ZNF618: variants seen among roughly 807,000 people sequenced by gnomAD.
The protein encoded by ZNF618 is zinc finger protein 618, also known as neural precursor cell expressed, developmentally down-regulated 10.
A neutral mutation model predicts 103.0 loss-of-function variants in ZNF618; 34 were observed. The ratio of observed to expected loss-of-function variants is 0.33; its 90% confidence interval spans 0.25 to 0.44. ZNF618 has a LOEUF of 0.44. Ranked by LOEUF, ZNF618 falls within the 20% of genes least tolerant of loss-of-function variation. The pLI, the probability that ZNF618 is intolerant of heterozygous loss-of-function variation, is 1.00. For synonymous variants in ZNF618, 551 were observed against 542.2 expected (o/e 1.02, Z -0.23); for missense variants, 1,059 against 1,295.4 (o/e 0.82, Z 2.80).
intron 4 of ZNF618, among the ~76,000 whole-genome samples, chr9:114,000,531 TGGCCCAAGACA>T (rs1398258923): frequency 6.6e-6 from 1 of 152,028 alleles, no homozygotes; most frequent in Non-Finnish European, 1.5e-5. Flanking sequence ...ATTTTATGTG[TGGCCCAAGACA>T]ATTCTTCTTC....
chr9:114,037,504 A>C (rs1844727468), intron 13 of ZNF618, among the ~76,000 whole-genome samples: 1 of 152,182 alleles, frequency 6.6e-6, no homozygotes. Flanking sequence ...GAGTCTGGGG[A>C]GGCAGTTAGC....
intron 1 of ZNF618, among the ~76,000 whole-genome samples, chr9:113,884,729 G>T (rs866627599): frequency 5.3e-5 from 8 of 151,602 alleles, no homozygotes; most frequent in African/African-American, 1.9e-4. Flanking sequence ...CGCACCCCAT[G>T]GGACATGAAG....
rs772732132 is a variant in ZNF618 at position 113,997,231 on chromosome 9, C to T, written c.338-1028C>T. ...CAAGTGTTCCTCTCACCTCAGCCTC[C>T]CAAGTAGCTGGGACTACAGGTGTGC... On this transcript the variant is annotated intron_variant, in intron 3 of 14. Coordinates refer to ENST00000374126, the MANE Select transcript of ZNF618 (RefSeq NM_001318042.2). Among the ~76,000 whole-genome samples the T allele has an allele frequency of 5.3e-5, 8 of 152,068 alleles. 1 individual carries two copies. Among genetic ancestry groups the T allele is most frequent in the African/African-American group, 9.7e-5 (4 of 41,396 alleles).
At chr9:113,969,932 AG>A in intron 2 of ZNF618, among the ~76,000 whole-genome samples, 1 of 152,092 alleles carries the variant, frequency 6.6e-6, no homozygotes, top group Middle Eastern at 3.2e-3. Context: ...AATCGATCCT[AG>A]GGTTACCTGT....
At chr9:114,013,178 A>C (rs1007266345) in intron 9 of ZNF618, among the ~76,000 whole-genome samples, 4 of 152,232 alleles carry the variant, frequency 2.6e-5, no homozygotes, top group African/African-American at 7.2e-5. Flanking sequence ...GTGTGTAAAG[A>C]GAAAAGCAAG....
chr9:113,882,006 A>G lies in ZNF618; in HGVS notation c.33+5593A>G, dbSNP rs145126870. ...TTGCTTTTTGAAGTGCATTTTAAAT[A>G]AAGTGTTGCCAGAGAGAAGGATGAA... On this transcript the variant is annotated intron_variant, in intron 1 of 14. Transcript: ENST00000374126. Among the ~76,000 whole-genome samples the G allele has an allele frequency of 3.3e-3, 502 of 152,328 alleles. 3 individuals carry two copies. The highest frequency in any genetic ancestry group is 0.011 in the African/African-American group (471 of 41,556).
intron 10 of ZNF618, 172 bp downstream of exon 10, chr9:114,016,956 C>T (rs150743002): frequency 4.1e-4 from 243 of 591,444 alleles, no homozygotes; most frequent in African/African-American, 3.6e-3. Context: ...CTACAGTGGC[C>T]GGCATAGCTG....
Position 114,050,117 on chromosome 9 carries a change from A to T in ZNF618, c.2815A>T (p.Ser939Cys). Residue 939 changes from serine (S) to cysteine (C), a missense_variant, in exon 15 of 15, where the codon AGT becomes TGT. Ser to Cys is a moderately radical substitution (Grantham distance 112). Transcript: ENST00000374126. ...ALLIKRRRLL[S>C]PEDMNKLMFL... is the part of the protein sequence containing the mutation. ...TCTAATCAAACGGAGGCGGCTGCTC[A>T]GTCCAGAAGATATGAATAAACTCAT... 1 of 1,593,030 alleles carries T rather than the reference A, an allele frequency of 6.3e-7. No individual in the cohort carries two copies. Among genetic ancestry groups the T allele is most frequent in the Middle Eastern group, 1.7e-4 (1 of 6,004 alleles).
In ZNF618 at chr9:114,020,215, C is replaced by T. The variant is rs1331680515; in HGVS notation, c.844+3431C>T. 3.9e-5 allele frequency among the ~76,000 whole-genome samples: 6 copies of T among 152,240 alleles called. No individual in the cohort carries two copies. In the South Asian group the frequency reaches 1.2e-3, roughly 32 times the overall value. On this transcript the variant is annotated intron_variant, in intron 10 of 14. Coordinates refer to ENST00000374126, the MANE Select transcript of ZNF618 (RefSeq NM_001318042.2). ...TTTATGCCTATTCCACATGATTTTACTTATAGCTCTCTAGTAAGTCTCAAA... is the reference window on the plus strand; with the variant it reads ...TTTATGCCTATTCCACATGATTTTATTTATAGCTCTCTAGTAAGTCTCAAA...
chr9:113,928,364 A>G (rs952584016), intron 1 of ZNF618, among the ~76,000 whole-genome samples: 1 of 152,142 alleles, frequency 6.6e-6, no homozygotes, highest in Non-Finnish European at 1.5e-5. Flanking sequence ...AATCGTAGTT[A>G]TTTACAATTG....
chr9:113,923,376 T>C (rs966831890), intron 1 of ZNF618, among the ~76,000 whole-genome samples: 1 of 152,208 alleles, frequency 6.6e-6, no homozygotes, highest in Admixed American at 6.5e-5. Context: ...TTCCCGATCT[T>C]AGGGGGAAGA....
chr9:114,018,789 A>C (rs1375402434), intron 10 of ZNF618, among the ~76,000 whole-genome samples: 2 of 152,142 alleles, frequency 1.3e-5, no homozygotes, highest in African/African-American at 4.8e-5. Context: ...CTGCTTGTTG[A>C]ATTAATCTCT....
chr9:113,889,072 G>T (rs1829351045), intron 1 of ZNF618, among the ~76,000 whole-genome samples: 1 of 152,110 alleles, frequency 6.6e-6, no homozygotes, highest in Non-Finnish European at 1.5e-5. Flanking sequence ...TTATTGCTGT[G>T]CAACAAATCA....
intron 1 of ZNF618, among the ~76,000 whole-genome samples, chr9:113,927,200 A>G (rs890055487): frequency 1.4e-4 from 22 of 152,214 alleles, no homozygotes; most frequent in African/African-American, 5.3e-4. Flanking sequence ...TGTGAGGTTT[A>G]AAGCCTTGCA....
At chr9:113,942,274 G>T (rs1834627695) in intron 1 of ZNF618, among the ~76,000 whole-genome samples, 1 of 151,048 alleles carries the variant, frequency 6.6e-6, no homozygotes, top group African/African-American at 2.4e-5. Flanking sequence ...ATTTCACACA[G>T]AGGAGTGGCT....
At chr9:113,880,844 A>T (rs1828454318) in intron 1 of ZNF618, among the ~76,000 whole-genome samples, 1 of 152,202 alleles carries the variant, frequency 6.6e-6, no homozygotes, top group Non-Finnish European at 1.5e-5. Context: ...AACCGCCATG[A>T]TGTGCTGCAG....
At chr9:113,955,516 T>A (rs1489387346) in intron 1 of ZNF618, among the ~76,000 whole-genome samples, 1 of 152,126 alleles carries the variant, frequency 6.6e-6, no homozygotes, top group Non-Finnish European at 1.5e-5. Flanking sequence ...TTGAAAAAAA[T>A]TCATGCAGTT....
Position 113,998,358 on chromosome 9 carries a change from C to G in ZNF618, c.433+4C>G, listed in dbSNP as rs150648900. ...CAAGCATTGAGATATGCATCTGGTA[C>G]GTGATGGCCAAGGGGTAGTGCCTGA... On this transcript the variant is annotated splice_donor_region_variant and intron_variant, in intron 4 of 14. Coordinates refer to ENST00000374126, the MANE Select transcript of ZNF618 (RefSeq NM_001318042.2). 6.5e-7 allele frequency: 1 copy of G among 1,550,094 alleles called. No individual in the cohort carries two copies. Among genetic ancestry groups the G allele is most frequent in the East Asian group, 2.4e-5 (1 of 40,926 alleles).
At chr9:114,002,466 C>T (rs1564282706) in intron 5 of ZNF618, among the ~76,000 whole-genome samples, 158 bp from the exon 6 acceptor site, 3 of 152,190 alleles carry the variant, frequency 2.0e-5, no homozygotes, top group Admixed American at 6.5e-5. Context: ...CTGTTCCTCC[C>T]GGAGCCTGGC....
Sources: gnomAD v4.1 joint callset for allele counts (sites outside exome capture counted in the v4.1 genomes callset) on GRCh38, gnomAD v4.1.1 for gene constraint, MANE v1.5 for transcripts, NCBI Gene and HGNC (gene_info 2026-07-23, HGNC 2026-07-21) for gene names.